ANGPT1: variants seen among roughly 807,000 people sequenced by gnomAD.
The protein encoded by ANGPT1 is angiopoietin-1.
ANGPT1 carries 17 observed loss-of-function variants against 62.2 expected under a neutral mutation model. The ratio of observed to expected loss-of-function variants is 0.27; its 90% CI spans 0.19 to 0.41. ANGPT1 has a LOEUF of 0.41. Ranked by LOEUF, ANGPT1 falls within the 10% of genes least tolerant of loss-of-function variation. The pLI is 1.00. For missense variants in ANGPT1, 478 were observed against 594.9 expected, an observed-to-expected ratio of 0.80 and a Z score of 2.04; for synonymous variants, 199 against 198.9, an observed-to-expected ratio of 1.00 and a Z score of 0.00.
chr8:107,378,543 G>T (rs767940504), intron 1 of ANGPT1, among the ~76,000 whole-genome samples: 1 of 151,954 alleles, frequency 6.6e-6, no homozygotes, highest in African/African-American at 2.4e-5. Flanking sequence ...ACACTGTTAC[G>T]GCTTGGCTCT....
intron 8 of ANGPT1, among the ~76,000 whole-genome samples, chr8:107,252,560 CTA>C (rs760529521): frequency 6.6e-6 from 1 of 152,140 alleles, no homozygotes; most frequent in Non-Finnish European, 1.5e-5. Flanking sequence ...TGTGCAATGA[CTA>C]TGATGCTCAA....
intron 1 of ANGPT1, among the ~76,000 whole-genome samples, chr8:107,383,866 C>A (rs940562653): frequency 6.6e-6 from 1 of 152,098 alleles, no homozygotes; most frequent in Non-Finnish European, 1.5e-5. Context: ...GATTTTGGAG[C>A]CCACAGAGAT....
chr8:107,450,344 T>A (rs894657909), intron 1 of ANGPT1, among the ~76,000 whole-genome samples: 1 of 152,054 alleles, frequency 6.6e-6, no homozygotes, highest in Non-Finnish European at 1.5e-5. Context: ...GTAGTAGAGT[T>A]AAGGATTACT....
intron 7 of ANGPT1, among the ~76,000 whole-genome samples, chr8:107,282,553 C>CATATATATATATATATTATAT (rs1814037530): frequency 2.0e-5 from 1 of 51,072 alleles, no homozygotes; most frequent in African/African-American, 6.9e-5. Context: ...ATATATGAAC[C>CATATATATATATATATTATAT]ATATATATAT....
chr8:107,487,643 T>C (rs1390599801), intron 1 of ANGPT1, among the ~76,000 whole-genome samples: 1 of 152,144 alleles, frequency 6.6e-6, no homozygotes. Flanking sequence ...CATTATGATA[T>C]AGCACAGCTT....
intron 8 of ANGPT1, among the ~76,000 whole-genome samples, chr8:107,255,742 GCA>G (rs1328954243): frequency 1.3e-5 from 2 of 152,154 alleles, no homozygotes; most frequent in African/African-American, 4.8e-5. Context: ...CATTTTCACA[GCA>G]CAGTTATAAG....
intron 4 of ANGPT1, among the ~76,000 whole-genome samples, chr8:107,316,415 T>C (rs542882985): frequency 6.6e-6 from 1 of 152,308 alleles, no homozygotes; most frequent in African/African-American, 2.4e-5. Context: ...TTACCTTTCA[T>C]ATAGAGTTGG....
At chr8:107,256,045 T>A (rs1044802715) in intron 8 of ANGPT1, among the ~76,000 whole-genome samples, 1 of 152,230 alleles carries the variant, frequency 6.6e-6, no homozygotes, top group East Asian at 1.9e-4. Context: ...TTTTTTTAAA[T>A]GTTTCATTTT....
At chr8:107,407,575 T>C (rs1817174630) in intron 1 of ANGPT1, among the ~76,000 whole-genome samples, 1 of 152,082 alleles carries the variant, frequency 6.6e-6, no homozygotes, top group African/African-American at 2.4e-5. Context: ...TGCAGGGAAA[T>C]TGGTGGTTAA....
chr8:107,482,520 C>T (rs1484565153), intron 1 of ANGPT1, among the ~76,000 whole-genome samples: 1 of 152,114 alleles, frequency 6.6e-6, no homozygotes, highest in African/African-American at 2.4e-5. Context: ...AACACAGTAG[C>T]TCAGGGCATG....
chr8:107,309,567 TA>T (rs1814800178), intron 4 of ANGPT1, among the ~76,000 whole-genome samples: 1 of 152,152 alleles, frequency 6.6e-6, no homozygotes, highest in African/African-American at 2.4e-5. Flanking sequence ...GTGGAAGAAT[TA>T]AAAGATTTCC....
intron 1 of ANGPT1, among the ~76,000 whole-genome samples, chr8:107,476,073 T>C (rs1812518174): frequency 6.6e-6 from 1 of 152,164 alleles, no homozygotes; most frequent in Admixed American, 6.5e-5. Context: ...GACCCAGCTA[T>C]CCCATTACTG....
At chr8:107,455,533 T>C (rs59481643) in intron 1 of ANGPT1, among the ~76,000 whole-genome samples, 1 of 152,072 alleles carries the variant, frequency 6.6e-6, no homozygotes, top group Admixed American at 6.6e-5. Context: ...CCTTCCATTC[T>C]AGGAATGAAA....
In ANGPT1 at chr8:107,279,647, AGT is replaced by A. The variant is rs1813950558; in HGVS notation, c.1205+5033_1205+5034del. On this transcript the variant is annotated intron_variant, in intron 7 of 8. Transcript: ENST00000517746. ...TGTGTGCCTCAAATATAGCTAGCTT[AGT>A]CAGTAATTTGGCTAAATTAGTTACA... 3.3e-5 allele frequency among the ~76,000 whole-genome samples: 5 copies of A among 152,248 alleles called. No individual in the cohort carries two copies. The South Asian group carries it at 1.0e-3, about 32-fold the overall frequency.
intron 4 of ANGPT1, among the ~76,000 whole-genome samples, chr8:107,312,305 T>C (rs2130020205): frequency 6.6e-6 from 1 of 152,294 alleles, no homozygotes; most frequent in East Asian, 1.9e-4. Flanking sequence ...TCCCATATAC[T>C]TTTTTTCAGC....
intron 1 of ANGPT1, among the ~76,000 whole-genome samples, chr8:107,442,860 C>T (rs770936170): frequency 3.3e-4 from 51 of 152,248 alleles, no homozygotes; most frequent in Non-Finnish European, 6.8e-4. Flanking sequence ...TAAGAAGGTG[C>T]TATATTTTTT....
At chr8:107,252,537 A>C (rs1222655719) in intron 8 of ANGPT1, among the ~76,000 whole-genome samples, 1 of 152,192 alleles carries the variant, frequency 6.6e-6, no homozygotes. Flanking sequence ...TGCTTCTAAA[A>C]TTAATTGGAT....
At chr8:107,488,615 C>T (rs1274830713) in intron 1 of ANGPT1, among the ~76,000 whole-genome samples, 1 of 152,080 alleles carries the variant, frequency 6.6e-6, no homozygotes, top group African/African-American at 2.4e-5. Flanking sequence ...ATTCAATAAA[C>T]CCATTCATTT....
intron 4 of ANGPT1, among the ~76,000 whole-genome samples, chr8:107,307,743 T>C (rs2129997066): frequency 6.6e-6 from 1 of 152,188 alleles, no homozygotes; most frequent in East Asian, 1.9e-4. Flanking sequence ...TTGCAAACTA[T>C]CTATCATGGC....
Sources: allele counts gnomAD v4.1 joint callset (sites outside exome capture counted in the v4.1 genomes callset), GRCh38; gene constraint gnomAD v4.1.1; transcripts MANE v1.5; gene names NCBI Gene and HGNC (gene_info 2026-07-23, HGNC 2026-07-21).